The following CDH12 variants were observed in gnomAD, a reference collection of about 807,000 sequenced individuals.
CDH12 encodes cadherin-12.
In CDH12, 41 loss-of-function variants were observed where a neutral mutation model predicts 74.1. The ratio of observed to expected loss-of-function variants is 0.55; its 90% confidence interval spans 0.43 to 0.72. The LOEUF is 0.72. Ranked by LOEUF, CDH12 falls within the 30% of genes least tolerant of loss-of-function variation. The probability of loss-of-function intolerance (pLI) is 0.00; values close to 1 mark genes in which losing one functional copy is unlikely to be tolerated. For missense variants in CDH12, 945 were observed against 977.2 expected (o/e 0.97, Z 0.44); for synonymous variants, 399 against 355.0 (o/e 1.12, Z -1.39).
At chr5:22,535,657 A>G (rs1033989810) in intron 1 of CDH12, among the ~76,000 whole-genome samples, 2 of 152,262 alleles carry the variant, frequency 1.3e-5, no homozygotes, top group African/African-American at 4.8e-5. Flanking sequence ...TTTTAAAATT[A>G]GAAATTAGAA....
chr5:22,329,307 A>C (rs558392779), intron 3 of CDH12, among the ~76,000 whole-genome samples: 1 of 152,164 alleles, frequency 6.6e-6, no homozygotes, highest in South Asian at 2.1e-4. Context: ...CAATAGAGAA[A>C]CCTCCTTTAA....
intron 5 of CDH12, among the ~76,000 whole-genome samples, chr5:22,046,384 T>C (rs955864869): frequency 2.0e-5 from 3 of 151,526 alleles, no homozygotes; most frequent in Admixed American, 2.0e-4. Context: ...GCAGATATAA[T>C]AGCTACTACC....
chr5:22,777,620 TTG>T lies in CDH12; in HGVS notation c.-523+75436_-523+75437del, dbSNP rs936945987. Among the ~76,000 whole-genome samples, 14 of 151,512 alleles carry T rather than the reference TTG, an allele frequency of 9.2e-5. No individual in the cohort carries two copies. In the South Asian group the frequency reaches 2.5e-3, roughly 27 times the overall value. On this transcript the variant is annotated intron_variant, in intron 1 of 14. Transcript: ENST00000382254. Reference sequence around the variant, plus strand: ...TGTGTATGTATGTGTGTGTGTGCGCTTGTGTGTGTGTGTTTGTGTTTTCTGGT... The same window carrying T: ...TGTGTATGTATGTGTGTGTGTGCGCTTGTGTGTGTGTTTGTGTTTTCTGGT...
intron 1 of CDH12, among the ~76,000 whole-genome samples, chr5:22,641,190 C>T (rs1341954559): frequency 2.6e-5 from 4 of 152,114 alleles, no homozygotes; most frequent in Non-Finnish European, 5.9e-5. Context: ...TGGGATGCTG[C>T]GGGTGTGGCT....
intron 6 of CDH12, among the ~76,000 whole-genome samples, chr5:21,954,903 A>C (rs9986273): frequency 0.17 from 25,725 of 152,004 alleles, 2,557 homozygotes; most frequent in African/African-American, 0.27. Context: ...AATAGCAAAA[A>C]CTTATGAGAT....
chr5:21,752,535 C>T (rs1163621415), intron 14 of CDH12, among the ~76,000 whole-genome samples: 2 of 152,124 alleles, frequency 1.3e-5, no homozygotes, highest in Non-Finnish European at 2.9e-5. Context: ...AATAGTAGTT[C>T]TTCCACTCAT....
At chr5:22,489,056 C>CTTTTTTT (rs10685463) in intron 2 of CDH12, among the ~76,000 whole-genome samples, 402 of 37,300 alleles carry the variant, frequency 0.011, 155 homozygotes, top group African/African-American at 0.038. Flanking sequence ...TTGGTACCAC[C>CTTTTTTT]TTTTTTTTTT....
intron 5 of CDH12, among the ~76,000 whole-genome samples, chr5:22,009,671 G>A (rs1044626972): frequency 6.6e-6 from 1 of 151,894 alleles, no homozygotes; most frequent in Non-Finnish European, 1.5e-5. Context: ...TTAATGTTAT[G>A]TATTCTAGAA....
At chr5:21,777,635 C>T (rs1272267296) in intron 11 of CDH12, among the ~76,000 whole-genome samples, 4 of 151,344 alleles carry the variant, frequency 2.6e-5, no homozygotes, top group African/African-American at 4.9e-5. Context: ...GGATTATAGG[C>T]GCCCGCCACA....
intron 2 of CDH12, among the ~76,000 whole-genome samples, chr5:22,428,190 C>A (rs530946900): frequency 2.4e-5 from 2 of 82,702 alleles, no homozygotes; most frequent in Non-Finnish European, 4.5e-5. Flanking sequence ...GAAATACACA[C>A]ATATGTATAT....
At chr5:22,643,191 A>G (rs2126873194) in intron 1 of CDH12, among the ~76,000 whole-genome samples, 1 of 152,288 alleles carries the variant, frequency 6.6e-6, no homozygotes, top group Middle Eastern at 3.4e-3. Flanking sequence ...CTAGCATTTA[A>G]TGGGAACTCC....
Position 22,572,234 on chromosome 5 carries a change from G to A in CDH12, c.-522-66870C>T, listed in dbSNP as rs1305988505. ...CAAAATAAAGTTGCTGAAAGGTACC[G>A]ATAATGTGAAGGAATAAAAAGCCTT... On this transcript the variant is annotated intron_variant, in intron 1 of 14. Transcript: ENST00000382254. Among the ~76,000 whole-genome samples, 4 of 152,138 alleles carry A rather than the reference G, an allele frequency of 2.6e-5. No individual in the cohort carries two copies. In the East Asian group the frequency reaches 7.7e-4, roughly 29 times the overall value.
chr5:21,781,724 CAA>C (rs10656219), intron 11 of CDH12, among the ~76,000 whole-genome samples: 1 of 144,588 alleles, frequency 6.9e-6, no homozygotes. Flanking sequence ...ACTATTATCT[CAA>C]AAAAAAAAAA....
chr5:22,478,879 T>C (rs761009317), intron 2 of CDH12, among the ~76,000 whole-genome samples: 41 of 152,224 alleles, frequency 2.7e-4, no homozygotes, highest in African/African-American at 3.6e-4. Context: ...GGTCTTTTCC[T>C]AGTGTAATTA....
At chr5:22,657,757 G>A (rs1580858684) in intron 1 of CDH12, among the ~76,000 whole-genome samples, 1 of 152,134 alleles carries the variant, frequency 6.6e-6, no homozygotes, top group African/African-American at 2.4e-5. Flanking sequence ...AATTTAAAAT[G>A]AGGCGGAAAG....
intron 3 of CDH12, among the ~76,000 whole-genome samples, chr5:22,229,334 ATTTAC>A (rs1430272963): frequency 8.3e-6 from 1 of 120,652 alleles, no homozygotes; most frequent in Admixed American, 9.9e-5. Context: ...TACATATGCA[ATTTAC>A]TTTATTTTTT....
intron 1 of CDH12, among the ~76,000 whole-genome samples, chr5:22,631,561 AC>A (rs1160725042): frequency 1.3e-5 from 2 of 152,182 alleles, no homozygotes; most frequent in Non-Finnish European, 2.9e-5. Context: ...GCAGGTTCTC[AC>A]TTGCAAGTGG....
chr5:21,794,669 T>A (rs1425876122), intron 10 of CDH12, among the ~76,000 whole-genome samples: 2 of 151,830 alleles, frequency 1.3e-5, no homozygotes, highest in Non-Finnish European at 2.9e-5. Flanking sequence ...ATTTGTTTCC[T>A]GTATACAGTC....
chr5:22,506,306 C>T (rs1048430055), intron 1 of CDH12, among the ~76,000 whole-genome samples: 5 of 151,996 alleles, frequency 3.3e-5, no homozygotes, highest in Middle Eastern at 3.2e-3. Flanking sequence ...TTGTTTGTTT[C>T]CTTGTTTGTG....
Sources: gnomAD v4.1 joint callset for allele counts (sites outside exome capture counted in the v4.1 genomes callset) on GRCh38, gnomAD v4.1.1 for gene constraint, MANE v1.5 for transcripts, NCBI Gene and HGNC (gene_info 2026-07-23, HGNC 2026-07-21) for gene names.